The following DSG2 variants were observed in gnomAD, a reference collection of about 807,000 sequenced individuals.
DSG2 encodes desmoglein 2, also known as desmoglein-2.
DSG2 carries 45 observed loss-of-function variants against 75.6 expected under a neutral mutation model. The ratio of observed to expected loss-of-function variants is 0.60; its 90% CI spans 0.47 to 0.76. The LOEUF is 0.76. Ranked by LOEUF, DSG2 falls within the 30% of genes least tolerant of loss-of-function variation. The pLI, the probability that DSG2 is intolerant of heterozygous loss-of-function variation, is 0.00. For synonymous variants in DSG2, 429 were observed against 483.9 expected (o/e 0.89, Z 1.49); for missense variants, 1,267 against 1,357.4 (o/e 0.93, Z 1.05).
Position 31,546,249 on chromosome 18 carries a change from C to T in DSG2, c.2863C>T (p.Pro955Ser), listed in dbSNP as rs763151805. ...TMPPTTVILG[P>S]SQPQSLIVTE... ...GCCACCAACCACTGTGATCCTGGGT[C>T]CTAGCCAGCCACAGAGCCTTATTGT... Residue 955 changes from proline (P) to serine (S), a missense_variant, in exon 15 of 15, where the codon CCT becomes TCT. Transcript: ENST00000261590. 1 of 1,606,726 alleles carries T rather than the reference C, an allele frequency of 6.2e-7. No homozygotes were observed.
At chr18:31,512,106 T>C (rs2073070498) in intron 1 of DSG2, among the ~76,000 whole-genome samples, 1 of 152,208 alleles carries the variant, frequency 6.6e-6, no homozygotes, top group African/African-American at 2.4e-5. Context: ...TCTGAGCTAC[T>C]AACTCCTATA....
In DSG2 at chr18:31,520,798, G is replaced by T. The variant is rs80073511; in HGVS notation, c.217-5G>T. On this transcript the variant is annotated splice_polypyrimidine_tract_variant and splice_region_variant and intron_variant, in intron 3 of 14. Transcript: ENST00000261590. ...CCTGAAACATTCCTGTTATTTTTAT[G>T]TTAGATACATTCTGATCTTGCAGAA... 2.1e-3 allele frequency: 3,350 copies of T among 1,613,172 alleles called. 62 individuals carry two copies. In the African/African-American group the frequency reaches 0.04, roughly 19 times the overall value.
chr18:31,509,167 A>G (rs1234759189), intron 1 of DSG2, among the ~76,000 whole-genome samples: 5 of 152,266 alleles, frequency 3.3e-5, no homozygotes, highest in Non-Finnish European at 7.3e-5. Context: ...GAACAAGTCA[A>G]GTGTAGCAAA....
chr18:31,514,487 A>C (rs1008326752), intron 1 of DSG2, among the ~76,000 whole-genome samples: 3 of 152,258 alleles, frequency 2.0e-5, no homozygotes, highest in Non-Finnish European at 1.5e-5. Context: ...ACTAGCAGTC[A>C]AGAGTAACAA....
chr18:31,542,137 A>T, intron 13 of DSG2: 1 of 307,238 alleles, frequency 3.3e-6, no homozygotes, highest in Non-Finnish European at 6.2e-6. Flanking sequence ...ACCTAGTGGC[A>T]TCAGAGGCTT....
At chr18:31,522,847 A>G (rs1421613524) in intron 6 of DSG2, among the ~76,000 whole-genome samples, 2 of 152,214 alleles carry the variant, frequency 1.3e-5, no homozygotes, top group African/African-American at 4.8e-5. Context: ...GTATCTGTAA[A>G]GGAGAGAATT....
intron 8 of DSG2, among the ~76,000 whole-genome samples, chr18:31,527,390 C>A (rs1317719132): frequency 1.3e-5 from 2 of 152,034 alleles, no homozygotes; most frequent in Admixed American, 1.3e-4. Flanking sequence ...TTAAGCAATG[C>A]ATGACTGTAT....
chr18:31,519,887 G>A lies in DSG2; in HGVS notation c.166G>A (p.Val56Met), dbSNP rs121913013. 3,945 of 1,614,130 alleles carry A rather than the reference G, an allele frequency of 2.4e-3. 9 individuals are homozygous for A. The highest frequency in any genetic ancestry group is 3.1e-3 in the Non-Finnish European group (3,630 of 1,180,018). Residue 56 changes from valine (V) to methionine (M), a missense_variant, in exon 3 of 15, where the codon GTG becomes ATG. Physicochemically the swap from Val to Met is conservative, Grantham distance 21 (BLOSUM62 1). Transcript: ENST00000261590. ...AAAGCGCGCCTGGATCACCGCCCCCGTGGCTCTTCGGGAGGGAGAGGATCT... is the reference window on the plus strand; with the variant it reads ...AAAGCGCGCCTGGATCACCGCCCCCATGGCTCTTCGGGAGGGAGAGGATCT... Reference protein sequence around the residue: ...RQKRAWITAPVALREGEDLSK... With the variant: ...RQKRAWITAPMALREGEDLSK...
chr18:31,523,754 G>C (rs1269474361), intron 6 of DSG2, among the ~76,000 whole-genome samples: 3 of 152,164 alleles, frequency 2.0e-5, no homozygotes, highest in Non-Finnish European at 4.4e-5. Context: ...TACACATAAA[G>C]AACCCGAAGG....
chr18:31,511,352 G>A (rs887906226), intron 1 of DSG2, among the ~76,000 whole-genome samples: 17 of 152,256 alleles, frequency 1.1e-4, no homozygotes, highest in Admixed American at 9.8e-4. Context: ...AACCAGAAAC[G>A]TCTCCAGACA....
intron 1 of DSG2, among the ~76,000 whole-genome samples, chr18:31,516,095 G>GGGAT (rs1338616719): frequency 1.3e-5 from 2 of 151,922 alleles, no homozygotes; most frequent in Admixed American, 1.3e-4. Flanking sequence ...AAGTAAGAGA[G>GGGAT]GGATATAGAG....
At chr18:31,541,360 T>C (rs902370635) in intron 13 of DSG2, 46 bp downstream of exon 13, 4 of 1,609,022 alleles carry the variant, frequency 2.5e-6, no homozygotes, top group African/African-American at 2.7e-5. Flanking sequence ...TCTTGGGTTT[T>C]AAAGGGGCCT....
intron 1 of DSG2, among the ~76,000 whole-genome samples, chr18:31,502,648 G>T (rs1230011956): frequency 6.6e-6 from 1 of 152,152 alleles, no homozygotes; most frequent in Non-Finnish European, 1.5e-5. Context: ...CTACTCAGGA[G>T]GCTGAGGCAG....
At chr18:31,501,449 C>T (rs925289015) in intron 1 of DSG2, among the ~76,000 whole-genome samples, 1 of 152,200 alleles carries the variant, frequency 6.6e-6, no homozygotes, top group Non-Finnish European at 1.5e-5. Flanking sequence ...TGGCTTAAAA[C>T]AACAAAAATG....
intron 1 of DSG2, among the ~76,000 whole-genome samples, chr18:31,511,375 C>T (rs942304214): frequency 1.3e-5 from 2 of 152,126 alleles, no homozygotes; most frequent in Non-Finnish European, 2.9e-5. Context: ...ACCAAATATC[C>T]CCAGTGGCAG....
At position 31,511,479 on chromosome 18, in the gene DSG2, A is replaced by C. The variant is rs1346777477; in HGVS notation, c.46-6760A>C. 2.0e-5 allele frequency among the ~76,000 whole-genome samples: 3 copies of C among 152,356 alleles called. No homozygotes were observed. In the South Asian group the frequency reaches 6.2e-4, roughly 32 times the overall value. ...GAGATAGAGGATCTTAAGGAACCAG[A>C]TCCAAATTATTTAGAAAGCAGTGGC... On this transcript the variant is annotated intron_variant, in intron 1 of 14. Coordinates refer to ENST00000261590, the MANE Select transcript of DSG2 (RefSeq NM_001943.5).
chr18:31,529,251 C>T lies in DSG2; in HGVS notation c.1015-1736C>T, dbSNP rs1400708577. On this transcript the variant is annotated intron_variant, in intron 8 of 14. Transcript: ENST00000261590. ...AGCGCTCTTGATACTGAAAATTTTCCATTTGCTTTGGAGCATTATGGCTAT... is the reference window on the plus strand; with the variant it reads ...AGCGCTCTTGATACTGAAAATTTTCTATTTGCTTTGGAGCATTATGGCTAT... 2.0e-5 allele frequency among the ~76,000 whole-genome samples: 3 copies of T among 152,062 alleles called. No homozygotes were observed. The East Asian group carries it at 5.8e-4, about 29-fold the overall frequency.
rs376020729 is a variant in DSG2 at position 31,546,557 on chromosome 18, G to A, written c.3171G>A (p.Leu1057=). ...GAGTTCTAGCACCTGCTTCCACTCT[G>A]CAATCCAGTTACCAGATTCCCACTG... ...TERVLAPAST[L]QSSYQIPTEN... is the part of the protein sequence containing the mutation. Residue 1057 remains leucine, a synonymous_variant, in exon 15 of 15, where the codon CTG becomes CTA. Transcript: ENST00000261590. 3.7e-6 allele frequency: 6 copies of A among 1,614,072 alleles called. No homozygotes were observed. In the African/African-American group the frequency reaches 8.0e-5, roughly 22 times the overall value.
At chr18:31,524,653 C>A in intron 7 of DSG2, 50 bp from the exon 8 acceptor site, 1 of 1,603,494 alleles carries the variant, frequency 6.2e-7, no homozygotes, top group East Asian at 2.3e-5. Context: ...AAATATATCA[C>A]TTATATTTGT....
Sources: allele counts gnomAD v4.1 joint callset (sites outside exome capture counted in the v4.1 genomes callset), GRCh38; gene constraint gnomAD v4.1.1; transcripts MANE v1.5; gene names NCBI Gene and HGNC (gene_info 2026-07-23, HGNC 2026-07-21).